The following FGF13 variants were observed in gnomAD, a reference collection of about 807,000 sequenced individuals.
FGF13 encodes the protein fibroblast growth factor homologous factor 2.
Under a neutral mutation model 19.5 loss-of-function variants are expected in FGF13, and 2 were observed. That is an observed-to-expected ratio of 0.10 (90% CI 0.04 to 0.32). FGF13 has a LOEUF of 0.32. FGF13 is among the 10% of genes least tolerant of loss of function. FGF13 has a pLI of 1.00. For synonymous variants in FGF13, 72 were observed against 76.9 expected (o/e 0.94, Z 0.33); for missense variants, 113 against 192.7 (o/e 0.59, Z 2.45).
chrX:139,148,088 G>A (rs766727577), intron 1 of FGF13, among the ~76,000 whole-genome samples: 7 of 111,264 alleles, frequency 6.3e-5, no homozygotes, highest in South Asian at 7.6e-4. Context: ...AAAGGTAGAA[G>A]AGTAGCAGAG....
At chrX:138,909,667 A>C (rs1175622092) in intron 1 of FGF13, among the ~76,000 whole-genome samples, 1 of 111,917 alleles carries the variant, frequency 8.9e-6, no homozygotes, top group Non-Finnish European at 1.9e-5. Context: ...CGGGATTACT[A>C]ATTAGTGTGT....
At chrX:139,044,904 G>A (rs765226190) in intron 1 of FGF13, among the ~76,000 whole-genome samples, 1 of 111,166 alleles carries the variant, frequency 9.0e-6, no homozygotes, top group Admixed American at 9.5e-5. Flanking sequence ...TCTGGAGGAC[G>A]GTGGCCCCCA....
At chrX:138,920,334 GT>G (rs2091638388) in intron 1 of FGF13, among the ~76,000 whole-genome samples, 1 of 110,737 alleles carries the variant, frequency 9.0e-6, no homozygotes, top group South Asian at 3.8e-4. Context: ...TTTTTAGAGA[GT>G]TTTTTTCGTA....
chrX:138,986,904 C>T (rs1569436751), intron 1 of FGF13, among the ~76,000 whole-genome samples: 1 of 112,148 alleles, frequency 8.9e-6, no homozygotes, highest in Non-Finnish European at 1.9e-5. Flanking sequence ...TCTTAATAAT[C>T]ATCTATTACC....
chrX:139,204,582 G>A (rs2148286518), upstream of FGF13, among the ~76,000 whole-genome samples: 1 of 112,859 alleles, frequency 8.9e-6, no homozygotes, highest in Non-Finnish European at 1.9e-5. Flanking sequence ...CCGCGCACTG[G>A]CAGGCTGCTT....
Position 138,627,055 on chromosome X carries a change from G to C in FGF13, c.*5795C>G, listed in dbSNP as rs1269457279. On this transcript the variant is annotated 3_prime_UTR_variant, in exon 5 of 5. Transcript: ENST00000315930. ...AGAACATAAAACTGAATAGTTACTT[G>C]CAATTGGAGTTCCACTTTATTAATC... 8.9e-6 allele frequency: 1 copy of C among 111,791 alleles called. No homozygotes were observed. Among genetic ancestry groups the C allele is most frequent in the African/African-American group, 3.2e-5 (1 of 30,805 alleles). The allele number at this position is 111,791 out of a possible 1,213,427, so 9.2% of individuals were successfully genotyped here. A position where few individuals can be genotyped will look rare whatever the true frequency, so the allele number is the denominator to read the frequency against.
chrX:138,636,122 AC>A (rs2089181441), intron 3 of FGF13, among the ~76,000 whole-genome samples: 1 of 112,342 alleles, frequency 8.9e-6, no homozygotes, highest in Non-Finnish European at 1.9e-5. Context: ...AATCTGTGTT[AC>A]AATGCTTTCT....
chrX:139,049,234 G>A (rs2124411209), intron 1 of FGF13, among the ~76,000 whole-genome samples: 1 of 110,755 alleles, frequency 9.0e-6, no homozygotes, highest in African/African-American at 3.3e-5. Context: ...GGCAGGGGGA[G>A]GTAGACAGGG....
intron 1 of FGF13, among the ~76,000 whole-genome samples, chrX:139,050,361 A>G (rs976055859): frequency 1.4e-4 from 16 of 112,045 alleles, no homozygotes. Flanking sequence ...AAGAGTGGCT[A>G]ATCATCTCTA....
chrX:138,660,066 A>T (rs1364380989), intron 3 of FGF13, among the ~76,000 whole-genome samples: 1 of 111,959 alleles, frequency 8.9e-6, no homozygotes, highest in Non-Finnish European at 1.9e-5. Flanking sequence ...CCAGAACTTA[A>T]AGTATAATAT....
chrX:138,805,784 C>G (rs1328332650), intron 3 of FGF13, among the ~76,000 whole-genome samples: 1 of 111,858 alleles, frequency 8.9e-6, no homozygotes, highest in Non-Finnish European at 1.9e-5. Context: ...CAAGGTTGTA[C>G]AGCAGATCTT....
chrX:138,837,389 G>T, intron 3 of FGF13, among the ~76,000 whole-genome samples: 1 of 111,724 alleles, frequency 9.0e-6, no homozygotes, highest in Middle Eastern at 4.6e-3. Context: ...AGAGACCCCA[G>T]GTGCGAGGCT....
rs181523203 is a variant in FGF13, at chrX:139,078,130, A to T, written c.-113+125286T>A. On this transcript the variant is annotated intron_variant, in intron 1 of 2. Transcript: ENST00000421460. ...TTGAGTCAGAAATTCGGAATGATTT[A>T]AATGAGAGAGAGAGAAAGTGATGGG... Among the ~76,000 whole-genome samples, 232 of 110,716 alleles carry T rather than the reference A, an allele frequency of 2.1e-3. 1 individual carries two copies. Among genetic ancestry groups the T allele is most frequent in the African/African-American group, 7.4e-3 (224 of 30,459 alleles).
chrX:138,740,673 G>A (rs978161214), upstream of FGF13, among the ~76,000 whole-genome samples: 7 of 111,645 alleles, frequency 6.3e-5, no homozygotes, highest in African/African-American at 2.3e-4. Flanking sequence ...TGAACAACAG[G>A]AGCCTTTAGA....
intron 1 of FGF13, among the ~76,000 whole-genome samples, chrX:138,919,518 A>G (rs1361284753): frequency 2.7e-5 from 3 of 112,302 alleles, no homozygotes; most frequent in Non-Finnish European, 5.6e-5. Flanking sequence ...ATTGTAAATT[A>G]TTCAAACGTC....
At chrX:139,155,024 T>C (rs1226106765) in intron 1 of FGF13, among the ~76,000 whole-genome samples, 3 of 111,814 alleles carry the variant, frequency 2.7e-5, no homozygotes, top group Non-Finnish European at 5.6e-5. Flanking sequence ...TCATTATACA[T>C]ACATACAAAG....
chrX:138,656,426 G>C (rs192031825), intron 3 of FGF13, among the ~76,000 whole-genome samples: 37 of 111,542 alleles, frequency 3.3e-4, no homozygotes, highest in African/African-American at 7.5e-4. Flanking sequence ...TAGGTGTTAG[G>C]GGGGAATAGC....
At chrX:139,121,082 T>C (rs1446212812) in intron 1 of FGF13, among the ~76,000 whole-genome samples, 2 of 112,265 alleles carry the variant, frequency 1.8e-5, no homozygotes, top group Non-Finnish European at 3.8e-5. Flanking sequence ...TAATCATTTA[T>C]TGTTGTTTAC....
At chrX:138,650,678 C>G (rs2089360807) in intron 3 of FGF13, among the ~76,000 whole-genome samples, 1 of 111,663 alleles carries the variant, frequency 9.0e-6, no homozygotes, top group South Asian at 3.8e-4. Context: ...TGTTTCGATA[C>G]ATGTATACAA....
Sources: allele counts gnomAD v4.1 joint callset (sites outside exome capture counted in the v4.1 genomes callset), GRCh38; gene constraint gnomAD v4.1.1; transcripts MANE v1.5; gene names NCBI Gene and HGNC (gene_info 2026-07-23, HGNC 2026-07-21).